Variants in MCTP1 observed in about 807,000 individuals in gnomAD.
MCTP1 encodes the protein multiple C2 and transmembrane domain-containing protein 1.
In MCTP1, 69 loss-of-function variants were observed where a neutral mutation model predicts 120.6. The ratio of observed to expected loss-of-function variants is 0.57; its 90% CI spans 0.47 to 0.70. The LOEUF is 0.70. MCTP1 is among the 30% of genes least tolerant of loss of function. The pLI is 0.00. For missense variants in MCTP1, 1,203 were observed against 1,248.8 expected (o/e 0.96, Z 0.55); for synonymous variants, 529 against 493.1 (o/e 1.07, Z -0.96).
At chr5:95,024,793 T>G (rs1038729555) in intron 1 of MCTP1, among the ~76,000 whole-genome samples, 4 of 151,656 alleles carry the variant, frequency 2.6e-5, no homozygotes, top group Admixed American at 2.6e-4. Context: ...ACAAACTATC[T>G]GAAAAAGAAA....
intron 1 of MCTP1, among the ~76,000 whole-genome samples, chr5:95,058,765 T>A (rs1182930960): frequency 6.6e-6 from 1 of 152,026 alleles, no homozygotes; most frequent in Non-Finnish European, 1.5e-5. Context: ...CAGGACAATT[T>A]TTTCCTTTTA....
chr5:94,879,851 T>C (rs11746867), intron 12 of MCTP1, among the ~76,000 whole-genome samples: 38 of 152,156 alleles, frequency 2.5e-4, no homozygotes, highest in African/African-American at 1.9e-4. Flanking sequence ...CTAATGGAAA[T>C]AGGTAAAGCT....
At chr5:95,244,032 C>T (rs1446685022) in intron 1 of MCTP1, among the ~76,000 whole-genome samples, 1 of 152,128 alleles carries the variant, frequency 6.6e-6, no homozygotes, top group Non-Finnish European at 1.5e-5. Flanking sequence ...ACAGTGCAAC[C>T]TTAAAAGACA....
chr5:95,169,747 T>C (rs1240772453), intron 1 of MCTP1, among the ~76,000 whole-genome samples: 1 of 152,178 alleles, frequency 6.6e-6, no homozygotes, highest in African/African-American at 2.4e-5. Context: ...AGATATCCCC[T>C]TTATCATTTT....
chr5:95,103,195 A>C (rs1756864889), intron 1 of MCTP1, among the ~76,000 whole-genome samples: 1 of 152,018 alleles, frequency 6.6e-6, no homozygotes, highest in South Asian at 2.1e-4. Context: ...GCATTTCAAC[A>C]AAGTAGAAAA....
At chr5:95,189,731 T>A (rs186831001) in intron 1 of MCTP1, among the ~76,000 whole-genome samples, 1 of 152,264 alleles carries the variant, frequency 6.6e-6, no homozygotes, top group African/African-American at 2.4e-5. Flanking sequence ...AGGTCTATAT[T>A]TCCGTGAGAT....
At chr5:94,978,352 T>C (rs777851276) in intron 2 of MCTP1, among the ~76,000 whole-genome samples, 16 of 152,160 alleles carry the variant, frequency 1.1e-4, no homozygotes, top group Non-Finnish European at 2.1e-4. Context: ...GACTTTTTAG[T>C]ATTTATCTAA....
chr5:94,817,231 C>T (rs980326100), intron 17 of MCTP1, among the ~76,000 whole-genome samples: 2 of 152,016 alleles, frequency 1.3e-5, no homozygotes, highest in Non-Finnish European at 2.9e-5. Flanking sequence ...GGTGAAACCT[C>T]GTCTCTACTA....
At chr5:94,963,052 G>T (rs1824675260) in intron 2 of MCTP1, among the ~76,000 whole-genome samples, 2 of 152,036 alleles carry the variant, frequency 1.3e-5, no homozygotes, top group Non-Finnish European at 1.5e-5. Flanking sequence ...TTTTGTAAGG[G>T]TGCTAATCCC....
At chr5:94,980,200 GT>G (rs1483971842) in intron 2 of MCTP1, among the ~76,000 whole-genome samples, 2 of 152,128 alleles carry the variant, frequency 1.3e-5, no homozygotes, top group East Asian at 3.9e-4. Flanking sequence ...TCTTTTAATT[GT>G]TTTCCCCCTA....
chr5:94,842,323 T>G (rs1791247456), intron 17 of MCTP1, among the ~76,000 whole-genome samples: 2 of 152,218 alleles, frequency 1.3e-5, no homozygotes, highest in African/African-American at 4.8e-5. Flanking sequence ...TACTTGATTT[T>G]ATGTTTCCTT....
intron 1 of MCTP1, among the ~76,000 whole-genome samples, chr5:95,063,850 C>A (rs1217681296): frequency 6.6e-6 from 1 of 152,090 alleles, no homozygotes; most frequent in African/African-American, 2.4e-5. Context: ...ATATTTACCC[C>A]TAGAGTCCTC....
intron 17 of MCTP1, among the ~76,000 whole-genome samples, chr5:94,818,888 GAA>G (rs1785026024): frequency 6.6e-6 from 1 of 152,094 alleles, no homozygotes; most frequent in Non-Finnish European, 1.5e-5. Context: ...CATCATCTTA[GAA>G]AATTCAGATA....
At chr5:94,958,788 A>G (rs1273053383) in intron 2 of MCTP1, among the ~76,000 whole-genome samples, 4 of 152,222 alleles carry the variant, frequency 2.6e-5, no homozygotes, top group African/African-American at 9.6e-5. Flanking sequence ...GTAGCCTACC[A>G]ACCAAAAAAA....
In MCTP1 at chr5:94,978,834, T is replaced by C. The variant is rs1828724257; in HGVS notation, c.839-25473A>G. 4 of 152,194 alleles carry C rather than the reference T, an allele frequency of 2.6e-5. No individual in the cohort carries two copies. In the South Asian group the frequency reaches 8.3e-4, roughly 32 times the overall value. 9.4% of individuals were successfully genotyped at this position (152,194 alleles called of 1,614,324 possible). A position where few individuals can be genotyped will look rare whatever the true frequency, so the allele number is the denominator to read the frequency against. ...TATATGCCTAAAAATGTGTTAAGAG[T>C]GTAGATCTCATGTTAAGTGTTCTTA... is the stretch of plus-strand genomic sequence containing the variant. On this transcript the variant is annotated intron_variant, in intron 2 of 22. Transcript: ENST00000515393.
chr5:95,106,999 C>T (rs1307771884), intron 1 of MCTP1, among the ~76,000 whole-genome samples: 1 of 152,048 alleles, frequency 6.6e-6, no homozygotes, highest in Non-Finnish European at 1.5e-5. Context: ...TATTCTAGAG[C>T]ACAATAATAA....
chr5:94,819,131 A>ATTCATTCT (rs1785100948), intron 17 of MCTP1, among the ~76,000 whole-genome samples: 1 of 150,380 alleles, frequency 6.6e-6, no homozygotes, highest in African/African-American at 2.5e-5. Flanking sequence ...TCATTCATTC[A>ATTCATTCT]TTCTTTCATT....
At chr5:94,919,970 C>T (rs1016205960) in intron 7 of MCTP1, among the ~76,000 whole-genome samples, 1 of 152,180 alleles carries the variant, frequency 6.6e-6, no homozygotes, top group Non-Finnish European at 1.5e-5. Context: ...GCACCATAAT[C>T]CTTAGCGAAA....
chr5:95,251,143 C>T (rs575744746), intron 1 of MCTP1, among the ~76,000 whole-genome samples: 8 of 152,140 alleles, frequency 5.3e-5, no homozygotes, highest in Admixed American at 1.3e-4. Flanking sequence ...AGAGCATGGG[C>T]GGCTGGTGAG....
Sources: gnomAD v4.1 joint callset for allele counts (sites outside exome capture counted in the v4.1 genomes callset) on GRCh38, gnomAD v4.1.1 for gene constraint, MANE v1.5 for transcripts, NCBI Gene and HGNC (gene_info 2026-07-23, HGNC 2026-07-21) for gene names.